The following SDK2 variants were observed in gnomAD, a reference collection of about 807,000 sequenced individuals.
SDK2 encodes sidekick cell adhesion molecule 2.
SDK2 carries 105 observed loss-of-function variants against 253.9 expected under a neutral mutation model. The ratio of observed to expected loss-of-function variants is 0.41; its 90% CI spans 0.35 to 0.49. The LOEUF (loss-of-function observed/expected upper bound fraction) is 0.49. SDK2 is among the 20% of genes least tolerant of loss of function. The pLI is 0.06. For missense variants in SDK2, 2,608 were observed against 3,003.0 expected (o/e 0.87, Z 3.07); for synonymous variants, 1,249 against 1,234.9 (o/e 1.01, Z -0.24).
chr17:73,411,788 A>C (rs9905017), intron 18 of SDK2, among the ~76,000 whole-genome samples: 1 of 135,884 alleles, frequency 7.4e-6, no homozygotes, highest in African/African-American at 2.7e-5. Flanking sequence ...TATTACTGCT[A>C]TTTTTTTTTT....
intron 42 of SDK2, 64 bp from the exon 43 acceptor site, chr17:73,350,439 C>T (rs2062526954): frequency 1.3e-6 from 2 of 1,555,050 alleles, no homozygotes; most frequent in Admixed American, 2.0e-5. Flanking sequence ...ATACCACTCT[C>T]CACCTGGCTG....
chr17:73,352,349 T>G lies in SDK2; in HGVS notation c.5758+124A>C. ...CCTCTTCACAGCCCCGAGGGGACAA[T>G]GTGTTTTTGTTCCCGCCCCATGCTC... is the stretch of plus-strand genomic sequence containing the variant. On this transcript the variant is annotated intron_variant, in intron 41 of 44. Transcript: ENST00000392650. The surrounding 1 kb of genome is among the most constrained non-coding windows in gnomAD (Gnocchi z 4.1). The G allele has an allele frequency of 3.4e-6, 4 of 1,193,566 alleles. No individual in the cohort carries two copies. The highest frequency in any genetic ancestry group is 4.6e-6 in the Non-Finnish European group (4 of 861,206). The allele number at this position is 1,193,566 out of a possible 1,614,324, so 73.9% of individuals were successfully genotyped here.
At chr17:73,378,126 T>C (rs573970309) in intron 36 of SDK2, among the ~76,000 whole-genome samples, 33 of 150,874 alleles carry the variant, frequency 2.2e-4, no homozygotes, top group African/African-American at 6.6e-4. Flanking sequence ...TTTGAGACAG[T>C]GTCTTGCTCT....
At chr17:73,358,347 C>G (rs1388207470) in intron 39 of SDK2, 143 bp from the exon 40 acceptor site, 5 of 1,078,686 alleles carry the variant, frequency 4.6e-6, no homozygotes, top group Non-Finnish European at 6.5e-6. Context: ...ATGTCGCGGC[C>G]TGAGAGTACA....
intron 37 of SDK2, among the ~76,000 whole-genome samples, chr17:73,366,466 A>G (rs2062686495): frequency 6.6e-6 from 1 of 152,164 alleles, no homozygotes; most frequent in African/African-American, 2.4e-5. Context: ...AGAGGGTCAT[A>G]ATGAGGAACT....
chr17:73,644,189 A>C lies in SDK2; in HGVS notation c.-101T>G. The C allele has an allele frequency of 1.0e-6, 1 of 1,004,114 alleles. No homozygotes were observed. The highest frequency in any genetic ancestry group is 2.1e-5 in the Admixed American group (1 of 48,612). 62.2% of individuals were successfully genotyped at this position (1,004,114 alleles called of 1,614,324 possible). ...ACCCCGTGGCTTAGTCCCAGGAAAC[A>C]GTCAGTCTACGCGGCTCCGTGCCCC... On this transcript the variant is annotated 5_prime_UTR_variant, in exon 1 of 45. Coordinates refer to ENST00000392650, the MANE Select transcript of SDK2 (RefSeq NM_001144952.2). The surrounding 1 kb of genome is among the most constrained non-coding windows in gnomAD (Gnocchi z 6.3).
rs1179192652 is a variant in SDK2, at chr17:73,431,961, G to A, written c.1313-292C>T. On this transcript the variant is annotated intron_variant, in intron 10 of 44. Transcript: ENST00000392650. The surrounding 1 kb of genome is among the most constrained non-coding windows in gnomAD (Gnocchi z 5.6). ...CGTGCCCTTCAACAGAGAAGGGGGC[G>A]CAGTTTCCTGATGACGGTGAGCAGT... Among the ~76,000 whole-genome samples, 1 of 152,172 alleles carries A rather than the reference G, an allele frequency of 6.6e-6. No individual in the cohort carries two copies. Among genetic ancestry groups the A allele is most frequent in the Non-Finnish European group, 1.5e-5 (1 of 68,012 alleles).
chr17:73,604,085 G>A (rs1011301292), intron 1 of SDK2, among the ~76,000 whole-genome samples: 7 of 152,246 alleles, frequency 4.6e-5, no homozygotes, highest in African/African-American at 1.2e-4. Context: ...CGCCCGCGCC[G>A]GGCAGCGCCA....
chr17:73,373,952 G>A (rs886680729), intron 36 of SDK2, among the ~76,000 whole-genome samples: 3 of 144,918 alleles, frequency 2.1e-5, no homozygotes, highest in Non-Finnish European at 2.9e-5. Context: ...ATCTTCTTTT[G>A]AGAAATGTCC....
chr17:73,440,788 A>G (rs2063409398), intron 6 of SDK2, 24 bp downstream of exon 6: 2 of 1,501,800 alleles, frequency 1.3e-6, no homozygotes, highest in Non-Finnish European at 1.8e-6. Flanking sequence ...CGGGTGCGGG[A>G]GCGAGGGAAG....
At chr17:73,458,780 C>T (rs1038057995) in intron 3 of SDK2, among the ~76,000 whole-genome samples, 12 of 152,188 alleles carry the variant, frequency 7.9e-5, no homozygotes, top group South Asian at 4.1e-4. Flanking sequence ...CTGAGGCAGG[C>T]GGATCATGAG....
intron 1 of SDK2, among the ~76,000 whole-genome samples, chr17:73,528,464 A>G (rs1290613082): frequency 1.3e-5 from 2 of 152,224 alleles, no homozygotes; most frequent in African/African-American, 4.8e-5. Flanking sequence ...ATGGGGAAGC[A>G]GCGATGCAGT....
chr17:73,560,657 G>A (rs1217693089), intron 1 of SDK2, among the ~76,000 whole-genome samples: 1 of 150,854 alleles, frequency 6.6e-6, no homozygotes, highest in African/African-American at 2.4e-5. Context: ...CCCTTCAGGT[G>A]TGGAACATGG....
At chr17:73,559,206 C>T (rs557715561) in intron 1 of SDK2, among the ~76,000 whole-genome samples, 25 of 152,228 alleles carry the variant, frequency 1.6e-4, no homozygotes, top group Non-Finnish European at 2.6e-4. Context: ...GAGTGACCCA[C>T]GAAGGACAGA....
At position 73,612,877 on chromosome 17, in the gene SDK2, A is replaced by G. The variant is rs977830970; in HGVS notation, c.64+31148T>C. On this transcript the variant is annotated intron_variant, in intron 1 of 44. Transcript: ENST00000392650. The surrounding 1 kb of genome is among the most constrained non-coding windows in gnomAD (Gnocchi z 4.4). The stretch of plus-strand genomic sequence containing the variant: ...AGTTGCAGTGAGCCAAGATCGCGCC[A>G]TTGCACTCCAGCCTGGGTGACAGAG... Among the ~76,000 whole-genome samples, 4 of 152,168 alleles carry G rather than the reference A, an allele frequency of 2.6e-5. No individual in the cohort carries two copies. The highest frequency in any genetic ancestry group is 5.9e-5 in the Non-Finnish European group (4 of 68,036).
intron 1 of SDK2, among the ~76,000 whole-genome samples, chr17:73,545,709 C>T (rs2044952420): frequency 1.3e-5 from 2 of 152,178 alleles, no homozygotes. Flanking sequence ...CCCCACTGAG[C>T]TGGATGATAC....
intron 1 of SDK2, among the ~76,000 whole-genome samples, chr17:73,606,515 C>A (rs949167622): frequency 1.3e-5 from 2 of 152,164 alleles, no homozygotes; most frequent in African/African-American, 4.8e-5. Context: ...CTATTTTACC[C>A]GCACCATCTG....
chr17:73,350,093 C>T (rs1394737287), intron 43 of SDK2, 144 bp downstream of exon 43: 41 of 442,588 alleles, frequency 9.3e-5, no homozygotes, highest in Middle Eastern at 1.5e-3. Context: ...TTCTGCTGAT[C>T]GTTCCCAGCC....
intron 1 of SDK2, among the ~76,000 whole-genome samples, chr17:73,604,297 C>A (rs932361232): frequency 6.6e-6 from 1 of 152,224 alleles, no homozygotes; most frequent in Non-Finnish European, 1.5e-5. Flanking sequence ...CAGAGAGGAA[C>A]GCCCAGTCAG....
Sources: allele counts gnomAD v4.1 joint callset (sites outside exome capture counted in the v4.1 genomes callset), GRCh38; gene constraint gnomAD v4.1.1; non-coding constraint Gnocchi (gnomAD v3.1); transcripts MANE v1.5; gene names NCBI Gene and HGNC (gene_info 2026-07-23, HGNC 2026-07-21).